The following CACNA1I variants were observed in gnomAD, a reference collection of about 807,000 sequenced individuals.
The protein encoded by CACNA1I is calcium voltage-gated channel subunit alpha1 I.
Under a neutral mutation model 201.6 loss-of-function variants are expected in CACNA1I, and 74 were observed. The ratio of observed to expected loss-of-function variants is 0.37; its 90% CI spans 0.30 to 0.45. CACNA1I has a LOEUF of 0.45. Ranked by LOEUF, CACNA1I falls within the 20% of genes least tolerant of loss-of-function variation. The pLI is 1.00. For synonymous variants in CACNA1I, 1,431 were observed against 1,345.2 expected (o/e 1.06, Z -1.40); for missense variants, 2,346 against 3,138.1 (o/e 0.75, Z 6.03).
At chr22:39,604,391 G>A (rs1485358201) in intron 3 of CACNA1I, among the ~76,000 whole-genome samples, 1 of 152,144 alleles carries the variant, frequency 6.6e-6, no homozygotes, top group African/African-American at 2.4e-5. Context: ...CAGCATCCTT[G>A]GGAGATCAGG....
intron 4 of CACNA1I, 82 bp downstream of exon 4, chr22:39,619,489 C>A: frequency 1.2e-6 from 1 of 823,282 alleles, no homozygotes; most frequent in South Asian, 1.4e-5. Flanking sequence ...AGCCAATGCC[C>A]ACCCCCCCAC....
intron 10 of CACNA1I, 79 bp downstream of exon 10, chr22:39,650,004 A>C: frequency 6.8e-7 from 1 of 1,461,076 alleles, no homozygotes; most frequent in Non-Finnish European, 9.5e-7. Flanking sequence ...GGGCAGCCCC[A>C]TCCATCTGCC....
At position 39,682,647 on chromosome 22, in the gene CACNA1I, A is replaced by G. The variant is rs1051283740; in HGVS notation, c.5816A>G (p.His1939Arg). Reference sequence around the variant, plus strand: ...AACCCTGTCCGGTCCTGGCTGAAACATGACAGCAGTCAAGGTGAGGGGTGG... The same window carrying G: ...AACCCTGTCCGGTCCTGGCTGAAACGTGACAGCAGTCAAGGTGAGGGGTGG... The part of the protein sequence containing the change: ...PFNPVRSWLK[H>R]DSSQAPPSPF... Residue 1939 changes from histidine (H) to arginine (R), a missense_variant, in exon 35 of 37, where the codon CAT becomes CGT. By Grantham distance (29) the His-to-Arg change is conservative. Coordinates refer to ENST00000402142, the MANE Select transcript of CACNA1I (RefSeq NM_021096.4). 4.3e-6 allele frequency: 7 copies of G among 1,612,820 alleles called. No individual in the cohort carries two copies. Among genetic ancestry groups the G allele is most frequent in the African/African-American group, 1.3e-5 (1 of 74,906 alleles).
chr22:39,631,771 A>G (rs1288753772), intron 4 of CACNA1I, among the ~76,000 whole-genome samples: 2 of 152,140 alleles, frequency 1.3e-5, no homozygotes, highest in African/African-American at 2.4e-5. Context: ...CTGAGGGCAG[A>G]GTGTAACTGG....
At chr22:39,589,044 AC>A (rs1932792133) in intron 1 of CACNA1I, among the ~76,000 whole-genome samples, 1 of 152,106 alleles carries the variant, frequency 6.6e-6, no homozygotes, top group African/African-American at 2.4e-5. Context: ...GCTGTCCTGT[AC>A]GTTGTAGGGT....
chr22:39,626,711 C>T (rs1191286585), intron 4 of CACNA1I, among the ~76,000 whole-genome samples: 4 of 152,198 alleles, frequency 2.6e-5, no homozygotes, highest in African/African-American at 7.2e-5. Context: ...ATTCTCCTGC[C>T]TCAGCCTCCT....
intron 14 of CACNA1I, 76 bp from the exon 15 acceptor site, chr22:39,660,268 T>C (rs1934962665): frequency 6.2e-6 from 7 of 1,134,516 alleles, no homozygotes; most frequent in Non-Finnish European, 8.9e-6. Flanking sequence ...GAAACACCCA[T>C]AGAAAAATTC....
At chr22:39,612,769 A>G (rs1933421992) in intron 3 of CACNA1I, among the ~76,000 whole-genome samples, 1 of 152,216 alleles carries the variant, frequency 6.6e-6, no homozygotes, top group Admixed American at 6.5e-5. Context: ...CCCATAAATC[A>G]TGAGGTGCTG....
At chr22:39,603,541 C>G (rs1215303497) in intron 3 of CACNA1I, among the ~76,000 whole-genome samples, 1 of 152,104 alleles carries the variant, frequency 6.6e-6, no homozygotes, top group African/African-American at 2.4e-5. Flanking sequence ...TTATGGATGC[C>G]TGCTCTTGTT....
At chr22:39,681,263 C>A (rs560718499) in intron 34 of CACNA1I, among the ~76,000 whole-genome samples, 1 of 152,246 alleles carries the variant, frequency 6.6e-6, no homozygotes, top group Non-Finnish European at 1.5e-5. Flanking sequence ...GCCCAGCCAG[C>A]ACTCCAACCC....
chr22:39,616,562 C>T (rs547863125), intron 3 of CACNA1I, among the ~76,000 whole-genome samples: 75 of 152,076 alleles, frequency 4.9e-4, no homozygotes, highest in Middle Eastern at 3.4e-3. Context: ...GTTGGGAGTT[C>T]GAGACCAGCC....
At chr22:39,575,632 GC>G (rs11355400) in intron 1 of CACNA1I, among the ~76,000 whole-genome samples, 91,734 of 151,864 alleles carry the variant, frequency 0.6, 28,640 homozygotes, top group East Asian at 0.96. Context: ...TAGTGGCCAT[GC>G]CCCCCATCAG....
At chr22:39,588,167 C>G (rs988369908) in intron 1 of CACNA1I, among the ~76,000 whole-genome samples, 2 of 120,304 alleles carry the variant, frequency 1.7e-5, no homozygotes, top group African/African-American at 6.4e-5. Context: ...AAGTCTTGCT[C>G]TGTCACCCAG....
chr22:39,662,097 G>A lies in CACNA1I; in HGVS notation c.3034G>A (p.Gly1012Ser), dbSNP rs897704069. The change falls in exon 17 of 37, where the codon GGC becomes AGC. Residue 1012 changes from glycine (G) to serine (S), a missense_variant. Around this residue, in one of 13 missense-constraint regions of CACNA1I, gnomAD observed 288 missense variants for 255.2 expected, o/e 1.13. Transcript: ENST00000402142. ...EHESLLSAER[G>S]GGARVCEVAA... ...TGAGTCCCTGCTCTCTGCGGAGCGC[G>A]GCGGCGGCGCCCGGGTCTGCGAGGT... 4.6e-6 allele frequency: 7 copies of A among 1,527,542 alleles called. No homozygotes were observed. In the Admixed American group the frequency reaches 6.2e-5, roughly 14 times the overall value. The allele number at this position is 1,527,542 out of a possible 1,614,324, so 94.6% of individuals were successfully genotyped here.
At chr22:39,651,136 G>T (rs925181849) in intron 10 of CACNA1I, among the ~76,000 whole-genome samples, 2 of 152,192 alleles carry the variant, frequency 1.3e-5, no homozygotes, top group African/African-American at 2.4e-5. Flanking sequence ...TGACCCTGAG[G>T]TCCAACGGCG....
At chr22:39,620,249 ATCCATC>A (rs1430285931) in intron 4 of CACNA1I, among the ~76,000 whole-genome samples, 57 of 93,962 alleles carry the variant, frequency 6.1e-4, no homozygotes, top group African/African-American at 2.0e-3. Context: ...CCATCCATCC[ATCCATC>A]CATCCATCCA....
intron 7 of CACNA1I, among the ~76,000 whole-genome samples, chr22:39,643,787 G>C (rs900588008): frequency 2.6e-5 from 4 of 152,240 alleles, no homozygotes; most frequent in African/African-American, 9.6e-5. Flanking sequence ...CAGGTAAAAG[G>C]AGAGGGGCCA....
At position 39,647,919 on chromosome 22, in the gene CACNA1I, G is replaced by C. The variant is rs747079938; in HGVS notation, c.1560G>C (p.Ser520=). The C allele has an allele frequency of 6.2e-7, 1 of 1,613,284 alleles. No homozygotes were observed. Among genetic ancestry groups the C allele is most frequent in the Non-Finnish European group, 8.5e-7 (1 of 1,179,750 alleles). ...HGPASPGNDH[S]GRELCPQHSP... ...CTGCCTCCCCTGGAAATGATCACTCGGGAAGAGGCAAGCCAGGGCCACGGG... is the reference window on the plus strand; with the variant it reads ...CTGCCTCCCCTGGAAATGATCACTCCGGAAGAGGCAAGCCAGGGCCACGGG... The change falls in exon 9 of 37, where the codon TCG becomes TCC. Residue 520 remains serine (S), a synonymous_variant. Coordinates refer to ENST00000402142, the MANE Select transcript of CACNA1I (RefSeq NM_021096.4).
At position 39,677,554 on chromosome 22, in the gene CACNA1I, G is replaced by A; in HGVS notation, c.4933+135G>A. 1 of 649,950 alleles carries A rather than the reference G, an allele frequency of 1.5e-6. No individual in the cohort carries two copies. Among genetic ancestry groups the A allele is most frequent in the Non-Finnish European group, 2.6e-6 (1 of 389,646 alleles). The allele number at this position is 649,950 out of a possible 1,614,324, so 40.3% of individuals were successfully genotyped here. On this transcript the variant is annotated intron_variant, in intron 30 of 36. Transcript: ENST00000402142. The surrounding 1 kb of genome is among the most constrained non-coding windows in gnomAD (Gnocchi z 4.8). ...GTATTGGGGAGATGCCTACAGCAGGGCCCTCAGCTGTCTGGTCTCCCAGGA... is the reference window on the plus strand; with the variant it reads ...GTATTGGGGAGATGCCTACAGCAGGACCCTCAGCTGTCTGGTCTCCCAGGA...
Sources: allele counts gnomAD v4.1 joint callset (sites outside exome capture counted in the v4.1 genomes callset), GRCh38; gene constraint gnomAD v4.1.1; regional missense constraint gnomAD v4.1.1; non-coding constraint Gnocchi (gnomAD v3.1); transcripts MANE v1.5; gene names NCBI Gene and HGNC (gene_info 2026-07-23, HGNC 2026-07-21).